NUDT21: variants seen among roughly 807,000 people sequenced by gnomAD.
The protein encoded by NUDT21 is cleavage and polyadenylation specificity factor subunit 5.
NUDT21 carries 5 observed loss-of-function variants against 29.8 expected under a neutral mutation model. The ratio of observed to expected loss-of-function variants is 0.17; its 90% CI spans 0.09 to 0.35. The LOEUF (loss-of-function observed/expected upper bound fraction) is 0.35, where lower values mean the gene tolerates loss of function less well. Among genes scored for constraint, NUDT21 ranks in the 10% least tolerant of loss-of-function variants. NUDT21 has a pLI of 1.00. For missense variants in NUDT21, 76 were observed against 276.0 expected (o/e 0.28, Z 5.13); for synonymous variants, 113 against 98.5 (o/e 1.15, Z -0.87).
At position 56,431,713 on chromosome 16, in the gene NUDT21, G is replaced by A. The variant is rs555836069; in HGVS notation, c.*999C>T. On this transcript the variant is annotated 3_prime_UTR_variant, in exon 7 of 7. Coordinates refer to ENST00000300291, the MANE Select transcript of NUDT21 (RefSeq NM_007006.3). Reference sequence around the variant, plus strand: ...TTTTTTATTCCCCCAAATTTGATCCGAATTTATCAGTATTTTTTAAAGTTT... The same window carrying A: ...TTTTTTATTCCCCCAAATTTGATCCAAATTTATCAGTATTTTTTAAAGTTT... 2.6e-5 allele frequency: 4 copies of A among 152,110 alleles called. No homozygotes were observed. The highest frequency in any genetic ancestry group is 1.9e-4 in the East Asian group (1 of 5,176). The allele number at this position is 152,110 out of a possible 1,614,324, so 9.4% of individuals were successfully genotyped here. A position where few individuals can be genotyped will look rare whatever the true frequency, so the allele number is the denominator to read the frequency against.
chr16:56,450,576 TC>T (rs1276866163), intron 1 of NUDT21, among the ~76,000 whole-genome samples: 5 of 152,168 alleles, frequency 3.3e-5, no homozygotes. Flanking sequence ...TGTGTTGTAT[TC>T]AAAAACTGAA....
chr16:56,434,327 G>A lies in NUDT21; in HGVS notation c.662+4C>T. ...TGAACCAAAAAATGTTCAACTTTCT[G>A]TACCTGCTCAACAGCTGAGGGAGAC... On this transcript the variant is annotated splice_donor_region_variant and intron_variant, in intron 6 of 6. Coordinates refer to ENST00000300291, the MANE Select transcript of NUDT21 (RefSeq NM_007006.3). 6.3e-7 allele frequency: 1 copy of A among 1,584,058 alleles called. No individual in the cohort carries two copies.
chr16:56,436,711 A>G (rs1962107742), intron 4 of NUDT21, among the ~76,000 whole-genome samples: 1 of 152,260 alleles, frequency 6.6e-6, no homozygotes, highest in Non-Finnish European at 1.5e-5. Flanking sequence ...TATTTTTTTA[A>G]GCCTTTCTTC....
chr16:56,444,537 T>C (rs1320727693), intron 3 of NUDT21, among the ~76,000 whole-genome samples: 16 of 151,022 alleles, frequency 1.1e-4, no homozygotes, highest in African/African-American at 3.2e-4. Flanking sequence ...TGAGCAACCA[T>C]TGCTCACATT....
chr16:56,431,542 T>G lies in NUDT21; in HGVS notation c.*1170A>C, dbSNP rs1171948936. On this transcript the variant is annotated 3_prime_UTR_variant, in exon 7 of 7. Coordinates refer to ENST00000300291, the MANE Select transcript of NUDT21 (RefSeq NM_007006.3). ...ATACTAATCAAAAGTTCATTTCTAT[T>G]AAAAACCCTTTTTTCCTTAAGTAGC... is the stretch of plus-strand genomic sequence containing the variant. 1 of 152,198 alleles carries G rather than the reference T, an allele frequency of 6.6e-6. No individual in the cohort carries two copies. Among genetic ancestry groups the G allele is most frequent in the Non-Finnish European group, 1.5e-5 (1 of 68,038 alleles). 9.4% of individuals were successfully genotyped at this position (152,198 alleles called of 1,614,324 possible).
In NUDT21 at chr16:56,432,595, T is replaced by C. The variant is rs1228682925; in HGVS notation, c.*117A>G. Reference sequence around the variant, plus strand: ...TTCAAACAATAGAAAGGTGGCAATTTAGGGATCGCAAAAGAGATAAAACCA... The same window carrying C: ...TTCAAACAATAGAAAGGTGGCAATTCAGGGATCGCAAAAGAGATAAAACCA... On this transcript the variant is annotated 3_prime_UTR_variant, in exon 7 of 7. Transcript: ENST00000300291. 1 of 661,206 alleles carries C rather than the reference T, an allele frequency of 1.5e-6. No homozygotes were observed. The highest frequency in any genetic ancestry group is 2.5e-6 in the Non-Finnish European group (1 of 401,422). 41.0% of individuals were successfully genotyped at this position (661,206 alleles called of 1,614,324 possible).
Position 56,451,228 on chromosome 16 carries a change from G to A in NUDT21, c.-26C>T, listed in dbSNP as rs201408407. 2.2e-4 allele frequency: 344 copies of A among 1,550,320 alleles called. 1 individual carries two copies. The African/African-American group carries it at 4.3e-3, about 19-fold the overall frequency. ...GCTGGCGAGCTCCGGCGCTGACGGC[G>A]AGCAGAAAGTGGCAGGCAGGGTAGA... is the stretch of plus-strand genomic sequence containing the variant. On this transcript the variant is annotated 5_prime_UTR_variant, in exon 1 of 7. Coordinates refer to ENST00000300291, the MANE Select transcript of NUDT21 (RefSeq NM_007006.3).
intron 3 of NUDT21, among the ~76,000 whole-genome samples, chr16:56,443,905 G>A (rs1374947908): frequency 6.6e-6 from 1 of 152,120 alleles, no homozygotes; most frequent in African/African-American, 2.4e-5. Flanking sequence ...TTAAACAGAC[G>A]AAGACAGCTC....
intron 6 of NUDT21, among the ~76,000 whole-genome samples, chr16:56,433,219 A>G (rs1962056259): frequency 6.6e-6 from 1 of 152,246 alleles, no homozygotes; most frequent in South Asian, 2.1e-4. Context: ...ATAAGCTTTC[A>G]CAAAAGGCCA....
intron 3 of NUDT21, among the ~76,000 whole-genome samples, chr16:56,444,102 C>G (rs1450842752): frequency 6.6e-6 from 1 of 151,986 alleles, no homozygotes; most frequent in African/African-American, 2.4e-5. Flanking sequence ...CAACATAGCA[C>G]GATCTCATCT....
At chr16:56,440,950 G>A (rs1257401891) in intron 3 of NUDT21, among the ~76,000 whole-genome samples, 3 of 151,834 alleles carry the variant, frequency 2.0e-5, no homozygotes, top group Non-Finnish European at 4.4e-5. Flanking sequence ...CTGTTGGTCA[G>A]GCTGGTCTCG....
At chr16:56,435,116 G>GC in intron 4 of NUDT21, 1 of 213,806 alleles carries the variant, frequency 4.7e-6, no homozygotes, top group Non-Finnish European at 9.2e-6. Context: ...TTTAATAAAA[G>GC]CTTTTTTTTG....
At chr16:56,436,122 G>C (rs1243738650) in intron 4 of NUDT21, among the ~76,000 whole-genome samples, 1 of 151,602 alleles carries the variant, frequency 6.6e-6, no homozygotes, top group Non-Finnish European at 1.5e-5. Context: ...CAAAAAAAAA[G>C]TCTAAGGGTT....
At chr16:56,438,757 A>C (rs1962130247) in intron 4 of NUDT21, among the ~76,000 whole-genome samples, 1 of 152,194 alleles carries the variant, frequency 6.6e-6, no homozygotes, top group Non-Finnish European at 1.5e-5. Context: ...ATCGAAATGG[A>C]AACATTAGCC....
At chr16:56,439,582 A>T in intron 4 of NUDT21, 75 bp downstream of exon 4, 1 of 964,342 alleles carries the variant, frequency 1.0e-6, no homozygotes, top group Non-Finnish European at 1.7e-6. Context: ...TTCTACTTTA[A>T]TCTTTTTTAA....
chr16:56,443,152 A>G (rs1423076410), intron 3 of NUDT21, among the ~76,000 whole-genome samples: 2 of 151,854 alleles, frequency 1.3e-5, no homozygotes, highest in African/African-American at 4.8e-5. Context: ...CTCTGTGTGC[A>G]TGAGTGATAG....
At chr16:56,436,613 G>A (rs539830314) in intron 4 of NUDT21, among the ~76,000 whole-genome samples, 1 of 152,288 alleles carries the variant, frequency 6.6e-6, no homozygotes, top group South Asian at 2.1e-4. Flanking sequence ...GAGATCTGTG[G>A]ATCACATACA....
intron 4 of NUDT21, 98 bp from the exon 5 acceptor site, chr16:56,434,927 T>A: frequency 1.4e-6 from 1 of 720,912 alleles, no homozygotes. Flanking sequence ...GGGAGAAGCA[T>A]ACTACTTTCT....
At chr16:56,450,663 T>G (rs1200104434) in intron 1 of NUDT21, among the ~76,000 whole-genome samples, 2 of 151,922 alleles carry the variant, frequency 1.3e-5, no homozygotes, top group Non-Finnish European at 2.9e-5. Flanking sequence ...ACTGTCAGAG[T>G]GAAATCTGCA....
Sources: allele counts gnomAD v4.1 joint callset (sites outside exome capture counted in the v4.1 genomes callset), GRCh38; gene constraint gnomAD v4.1.1; transcripts MANE v1.5; gene names NCBI Gene and HGNC (gene_info 2026-07-23, HGNC 2026-07-21).